OXR1: variants seen among roughly 807,000 people sequenced by gnomAD.
The protein encoded by OXR1 is oxidation resistance 1.
Under a neutral mutation model 104.6 loss-of-function variants are expected in OXR1, and 41 were observed. The ratio of observed to expected loss-of-function variants is 0.39; its 90% CI spans 0.31 to 0.51. The LOEUF (loss-of-function observed/expected upper bound fraction) is 0.51. Among genes scored for constraint, OXR1 ranks in the 20% least tolerant of loss-of-function variants. The pLI is 0.77. For synonymous variants in OXR1, 348 were observed against 348.4 expected, an observed-to-expected ratio of 1.00 and a Z score of 0.01; for missense variants, 955 against 1,031.9, an observed-to-expected ratio of 0.93 and a Z score of 1.02.
chr8:106,347,215 C>CAA (rs1815531486), intron 1 of OXR1, among the ~76,000 whole-genome samples: 1 of 152,166 alleles, frequency 6.6e-6, no homozygotes, highest in Admixed American at 6.5e-5. Context: ...TGTATATTTT[C>CAA]CAATAATGCC....
chr8:106,387,862 A>C (rs1026993768), intron 2 of OXR1, among the ~76,000 whole-genome samples: 2 of 152,230 alleles, frequency 1.3e-5, no homozygotes. Context: ...AAAGGACTCT[A>C]AATCTGTTTA....
At chr8:106,443,647 T>C (rs1819886179) in intron 2 of OXR1, among the ~76,000 whole-genome samples, 2 of 152,304 alleles carry the variant, frequency 1.3e-5, no homozygotes, top group South Asian at 4.1e-4. Flanking sequence ...AATTGTTCCC[T>C]TTACCATGTT....
chr8:106,600,148 A>G (rs1328780888), intron 3 of OXR1, among the ~76,000 whole-genome samples: 2 of 152,182 alleles, frequency 1.3e-5, no homozygotes, highest in Non-Finnish European at 2.9e-5. Context: ...GCAAACCCAT[A>G]TACTTATTTG....
intron 3 of OXR1, among the ~76,000 whole-genome samples, chr8:106,603,599 G>T (rs1434589938): frequency 6.6e-6 from 1 of 152,164 alleles, no homozygotes; most frequent in Admixed American, 6.5e-5. Flanking sequence ...TTTATGATGG[G>T]TGATTGTTAT....
intron 9 of OXR1, among the ~76,000 whole-genome samples, 199 bp from the exon 10 acceptor site, chr8:106,710,423 T>A (rs1208438667): frequency 6.6e-6 from 1 of 152,092 alleles, no homozygotes; most frequent in Non-Finnish European, 1.5e-5. Flanking sequence ...CTTGGCTCTT[T>A]TGTTAAGTTT....
At chr8:106,542,347 C>G (rs1053567391) in intron 3 of OXR1, among the ~76,000 whole-genome samples, 6 of 152,100 alleles carry the variant, frequency 3.9e-5, no homozygotes, top group Non-Finnish European at 1.5e-5. Context: ...TTGCACTTGA[C>G]TGGGGAAAAC....
chr8:106,397,345 T>C (rs1360060057), intron 2 of OXR1, among the ~76,000 whole-genome samples: 1 of 152,128 alleles, frequency 6.6e-6, no homozygotes, highest in Non-Finnish European at 1.5e-5. Flanking sequence ...CACCTTTGAA[T>C]CTTAAATAAC....
At chr8:106,664,447 A>G (rs1826074847) in intron 3 of OXR1, among the ~76,000 whole-genome samples, 1 of 152,206 alleles carries the variant, frequency 6.6e-6, no homozygotes, top group Admixed American at 6.5e-5. Flanking sequence ...TCTTTTATCC[A>G]TGGGAAGGTT....
At chr8:106,418,491 T>A (rs988906897) in intron 2 of OXR1, among the ~76,000 whole-genome samples, 81 of 152,088 alleles carry the variant, frequency 5.3e-4, no homozygotes, top group African/African-American at 1.9e-3. Flanking sequence ...ATGTCTGATT[T>A]TTTTTAATGA....
chr8:106,466,538 A>G (rs7823469), intron 2 of OXR1, among the ~76,000 whole-genome samples: 36,562 of 151,768 alleles, frequency 0.24, 6,111 homozygotes, highest in African/African-American at 0.46. Flanking sequence ...AAAAATTTAC[A>G]TCTTATAAAC....
chr8:106,324,241 T>C (rs1814360574), intron 1 of OXR1, among the ~76,000 whole-genome samples: 1 of 152,188 alleles, frequency 6.6e-6, no homozygotes, highest in Non-Finnish European at 1.5e-5. Context: ...GCTGTTATCC[T>C]TACCAAATTA....
intron 2 of OXR1, among the ~76,000 whole-genome samples, chr8:106,373,269 C>T (rs1293421250): frequency 6.6e-6 from 1 of 152,104 alleles, no homozygotes; most frequent in Non-Finnish European, 1.5e-5. Flanking sequence ...ATTACAGTTG[C>T]CCAACTTGTG....
intron 3 of OXR1, among the ~76,000 whole-genome samples, chr8:106,659,734 A>C (rs1825559738): frequency 6.6e-6 from 1 of 152,188 alleles, no homozygotes; most frequent in South Asian, 2.1e-4. Context: ...CCGTGTCTGT[A>C]GTTCCAGCTA....
At chr8:106,443,074 T>C (rs142791357) in intron 2 of OXR1, among the ~76,000 whole-genome samples, 14 of 152,272 alleles carry the variant, frequency 9.2e-5, no homozygotes, top group African/African-American at 3.4e-4. Context: ...AACAGTGCTT[T>C]ATCTGTGTCC....
rs1267370258 is a variant in OXR1 at position 106,511,108 on chromosome 8, A to G, written c.24-7835A>G. 2.6e-5 allele frequency among the ~76,000 whole-genome samples: 4 copies of G among 152,324 alleles called. No homozygotes were observed. The East Asian group carries it at 7.7e-4, about 29-fold the overall frequency. On this transcript the variant is annotated intron_variant, in intron 2 of 16. Transcript: ENST00000517566. ...AGGGATTGTTTTCTTCTTTTAAAGC[A>G]TAAGTTTCCAATCTATCATTTCTTC...
intron 3 of OXR1, among the ~76,000 whole-genome samples, chr8:106,556,926 T>C (rs903299721): frequency 2.0e-5 from 3 of 152,212 alleles, no homozygotes; most frequent in African/African-American, 7.2e-5. Context: ...GGCTTCTTGC[T>C]CTCATCATCC....
At chr8:106,566,294 T>C (rs551824046) in intron 3 of OXR1, among the ~76,000 whole-genome samples, 104 of 151,746 alleles carry the variant, frequency 6.9e-4, no homozygotes, top group Non-Finnish European at 1.2e-3. Flanking sequence ...AACAACCCCA[T>C]CAAAAAGTGG....
At position 106,751,736 on chromosome 8, in the gene OXR1, A is replaced by T. The variant is rs1446975626; in HGVS notation, c.*795A>T. Reference sequence around the variant, plus strand: ...ATGTGTAGCTTAGTAAGGCATTAACATAAGTACAAAAACTATGAAACAGAT... The same window carrying T: ...ATGTGTAGCTTAGTAAGGCATTAACTTAAGTACAAAAACTATGAAACAGAT... On this transcript the variant is annotated 3_prime_UTR_variant, in exon 17 of 17. Coordinates refer to ENST00000517566, the MANE Select transcript of OXR1 (RefSeq NM_001198533.2). 1 of 152,602 alleles carries T rather than the reference A, an allele frequency of 6.6e-6. No individual in the cohort carries two copies. Among genetic ancestry groups the T allele is most frequent in the African/African-American group, 2.4e-5 (1 of 41,464 alleles). 9.5% of individuals were successfully genotyped at this position (152,602 alleles called of 1,614,324 possible). A position where few individuals can be genotyped will look rare whatever the true frequency, so the allele number is the denominator to read the frequency against.
intron 3 of OXR1, among the ~76,000 whole-genome samples, chr8:106,546,737 A>AC (rs11448783): frequency 0.049 from 7,461 of 152,302 alleles, 202 homozygotes; most frequent in Middle Eastern, 0.068. Context: ...CAGACAGTTA[A>AC]CTTTCATCTG....
Sources: gnomAD v4.1 joint callset for allele counts (sites outside exome capture counted in the v4.1 genomes callset) on GRCh38, gnomAD v4.1.1 for gene constraint, MANE v1.5 for transcripts, NCBI Gene and HGNC (gene_info 2026-07-23, HGNC 2026-07-21) for gene names.